The following GALNTL6 variants were observed in gnomAD, a reference collection of about 807,000 sequenced individuals.
GALNTL6 encodes the protein polypeptide N-acetylgalactosaminyltransferase-like 6.
In GALNTL6, 46 loss-of-function variants were observed where a neutral mutation model predicts 73.7. The observed-to-expected ratio is 0.62, with a 90% CI of 0.49 to 0.80. The LOEUF is 0.80. Among genes scored for constraint, GALNTL6 ranks in the 30% least tolerant of loss-of-function variants. The probability of loss-of-function intolerance (pLI) is 0.00; values close to 1 mark genes in which losing one functional copy is unlikely to be tolerated. For synonymous variants in GALNTL6, 259 were observed against 263.7 expected, an observed-to-expected ratio of 0.98 and a Z score of 0.17; for missense variants, 604 against 755.0, an observed-to-expected ratio of 0.80 and a Z score of 2.34.
chr4:172,018,826 G>A (rs934953254), intron 2 of GALNTL6, among the ~76,000 whole-genome samples: 1 of 152,082 alleles, frequency 6.6e-6, no homozygotes, highest in Non-Finnish European at 1.5e-5. Context: ...ACTTAATTGT[G>A]CTGGCTGCCT....
At chr4:172,071,210 G>C (rs1367927368) in intron 2 of GALNTL6, among the ~76,000 whole-genome samples, 1 of 109,722 alleles carries the variant, frequency 9.1e-6, no homozygotes, top group African/African-American at 3.4e-5. Context: ...GGCTAGCATG[G>C]ATGAAGTGGA....
At chr4:172,150,853 A>G (rs963233031) in intron 2 of GALNTL6, among the ~76,000 whole-genome samples, 1 of 152,198 alleles carries the variant, frequency 6.6e-6, no homozygotes, top group Non-Finnish European at 1.5e-5. Flanking sequence ...ATGTAAAAAC[A>G]TGTTGTATTT....
intron 5 of GALNTL6, among the ~76,000 whole-genome samples, chr4:172,701,139 T>G (rs929365711): frequency 6.6e-6 from 1 of 152,110 alleles, no homozygotes; most frequent in Non-Finnish European, 1.5e-5. Flanking sequence ...TAAAGAAGAC[T>G]GAAGATATGT....
intron 2 of GALNTL6, among the ~76,000 whole-genome samples, chr4:172,043,381 G>A (rs1372051393): frequency 6.6e-6 from 1 of 151,978 alleles, no homozygotes; most frequent in East Asian, 1.9e-4. Flanking sequence ...ATTAAAGGTA[G>A]GGAAAACTGA....
At chr4:172,045,237 C>A (rs1742184944) in intron 2 of GALNTL6, among the ~76,000 whole-genome samples, 1 of 151,972 alleles carries the variant, frequency 6.6e-6, no homozygotes, top group Non-Finnish European at 1.5e-5. Flanking sequence ...GCCTAAGAGA[C>A]AAGCTTATAT....
chr4:172,154,157 G>GTTTTTTTTTTTTT (rs150388060), intron 2 of GALNTL6, among the ~76,000 whole-genome samples: 1 of 137,810 alleles, frequency 7.3e-6, no homozygotes, highest in Non-Finnish European at 1.6e-5. Flanking sequence ...AATCACATGA[G>GTTTTTTTTTTTTT]TTTTTTTTTT....
intron 2 of GALNTL6, among the ~76,000 whole-genome samples, chr4:171,952,369 T>A (rs1442758571): frequency 1.3e-5 from 2 of 151,840 alleles, no homozygotes; most frequent in Admixed American, 1.3e-4. Flanking sequence ...AACAAGTACT[T>A]CTCCTTCTTA....
At position 172,609,662 on chromosome 4, in the gene GALNTL6, T is replaced by C. The variant is rs1012526519; in HGVS notation, c.554-199699T>C. ...GTGTGTGTGTGTGTGTGTGTGTGTG[T>C]GTGTCTGCCAGGTTTTGGTATCAGG... On this transcript the variant is annotated intron_variant, in intron 5 of 12. Coordinates refer to ENST00000506823, the MANE Select transcript of GALNTL6 (RefSeq NM_001034845.3). Among the ~76,000 whole-genome samples, 3 of 151,198 alleles carry C rather than the reference T, an allele frequency of 2.0e-5. No homozygotes were observed. The East Asian group carries it at 5.9e-4, about 29-fold the overall frequency.
chr4:172,416,898 G>A (rs753541247), intron 5 of GALNTL6, among the ~76,000 whole-genome samples: 2 of 152,004 alleles, frequency 1.3e-5, no homozygotes, highest in Non-Finnish European at 2.9e-5. Context: ...GTATAAAAAC[G>A]GGGTAATTGT....
At chr4:172,145,242 C>A (rs1166461156) in intron 2 of GALNTL6, among the ~76,000 whole-genome samples, 1 of 152,046 alleles carries the variant, frequency 6.6e-6, no homozygotes, top group Non-Finnish European at 1.5e-5. Flanking sequence ...TGGGTTCACG[C>A]CATTCTCCTG....
At position 171,962,679 on chromosome 4, in the gene GALNTL6, A is replaced by C. The variant is rs533566217; in HGVS notation, c.138+147961A>C. ...CAAATAATCAAGAAATAACCATAAA[A>C]ATAGCCAAACAGCAGCCCTTGTAGC... On this transcript the variant is annotated intron_variant, in intron 2 of 12. Coordinates refer to ENST00000506823, the MANE Select transcript of GALNTL6 (RefSeq NM_001034845.3). Among the ~76,000 whole-genome samples the C allele has an allele frequency of 3.3e-5, 5 of 152,078 alleles. No homozygotes were observed. In the Middle Eastern group the frequency reaches 0.017, roughly 521 times the overall value.
rs905066388 is a variant in GALNTL6 at position 172,634,875 on chromosome 4, A to C, written c.554-174486A>C. Reference sequence around the variant, plus strand: ...GTATTTTAATACAATGCAATAACAGAGATATATACAAAAGGCACTAAAAGA... The same window carrying C: ...GTATTTTAATACAATGCAATAACAGCGATATATACAAAAGGCACTAAAAGA... On this transcript the variant is annotated intron_variant, in intron 5 of 12. Transcript: ENST00000506823. Among the ~76,000 whole-genome samples the C allele has an allele frequency of 3.3e-5, 5 of 152,176 alleles. No homozygotes were observed. The South Asian group carries it at 8.3e-4, about 25-fold the overall frequency.
intron 2 of GALNTL6, among the ~76,000 whole-genome samples, chr4:172,127,343 G>C (rs1286413547): frequency 6.6e-6 from 1 of 152,160 alleles, no homozygotes; most frequent in East Asian, 1.9e-4. Context: ...TGCTACTGGG[G>C]CCCAAGGTTG....
rs547094885 is a variant in GALNTL6 at position 171,989,463 on chromosome 4, T to C, written c.138+174745T>C. Among the ~76,000 whole-genome samples, 8 of 152,284 alleles carry C rather than the reference T, an allele frequency of 5.3e-5. No homozygotes were observed. The South Asian group carries it at 1.7e-3, about 32-fold the overall frequency. On this transcript the variant is annotated intron_variant, in intron 2 of 12. Coordinates refer to ENST00000506823, the MANE Select transcript of GALNTL6 (RefSeq NM_001034845.3). ...GGAATCCTGGGCTGTGGGCATTCCT[T>C]GGCCCAGTGGCCAGATTTCCGGCAC...
intron 9 of GALNTL6, among the ~76,000 whole-genome samples, chr4:172,932,452 GA>G (rs1398429377): frequency 6.6e-6 from 1 of 152,020 alleles, no homozygotes; most frequent in Non-Finnish European, 1.5e-5. Flanking sequence ...TTCCCTTTCT[GA>G]GAGTATTCAT....
intron 5 of GALNTL6, among the ~76,000 whole-genome samples, chr4:172,625,610 C>T (rs577540162): frequency 2.0e-5 from 3 of 152,158 alleles, no homozygotes; most frequent in East Asian, 3.9e-4. Context: ...AACTGCTTTC[C>T]ACAGTGGCTA....
At chr4:172,993,329 C>T (rs755785737) in intron 10 of GALNTL6, among the ~76,000 whole-genome samples, 75 of 152,182 alleles carry the variant, frequency 4.9e-4, no homozygotes, top group Non-Finnish European at 1.0e-3. Flanking sequence ...CATAGGAGGC[C>T]AAATCCTGCT....
intron 10 of GALNTL6, among the ~76,000 whole-genome samples, chr4:173,005,807 A>C (rs1403893591): frequency 6.6e-6 from 1 of 152,190 alleles, no homozygotes; most frequent in Non-Finnish European, 1.5e-5. Flanking sequence ...TTTTGCTGGA[A>C]TTTACACAGA....
intron 3 of GALNTL6, among the ~76,000 whole-genome samples, chr4:172,308,227 A>G (rs1740223141): frequency 6.6e-6 from 1 of 150,866 alleles, no homozygotes; most frequent in Non-Finnish European, 1.5e-5. Context: ...AGTTTTTTGG[A>G]TGAGTCTTTA....
Sources: allele counts gnomAD v4.1 joint callset (sites outside exome capture counted in the v4.1 genomes callset), GRCh38; gene constraint gnomAD v4.1.1; transcripts MANE v1.5; gene names NCBI Gene and HGNC (gene_info 2026-07-23, HGNC 2026-07-21).